The following LSM7 variants were observed in gnomAD, a reference collection of about 807,000 sequenced individuals.
LSM7 encodes the protein U6 snRNA-associated Sm-like protein LSm7.
LSM7 carries 13 observed loss-of-function variants against 14.1 expected under a neutral mutation model. The ratio of observed to expected loss-of-function variants is 0.92; its 90% CI spans 0.60 to 1.47. The LOEUF (loss-of-function observed/expected upper bound fraction) is 1.47, where lower values mean the gene tolerates loss of function less well. Among genes scored for constraint, LSM7 ranks in the 40% most tolerant of loss-of-function variants. The pLI is 0.00. For synonymous variants in LSM7, 70 were observed against 57.1 expected, an observed-to-expected ratio of 1.23 and a Z score of -1.02; for missense variants, 108 against 140.8, an observed-to-expected ratio of 0.77 and a Z score of 1.18.
chr19:2,322,605 G>A lies in LSM7; in HGVS notation c.170-783C>T, dbSNP rs372044597. 1.1e-4 allele frequency among the ~76,000 whole-genome samples: 16 copies of A among 152,274 alleles called. No individual in the cohort carries two copies. In the East Asian group the frequency reaches 2.5e-3, roughly 24 times the overall value. On this transcript the variant is annotated intron_variant, in intron 3 of 3. Coordinates refer to ENST00000252622, the MANE Select transcript of LSM7 (RefSeq NM_016199.3). ...GGACCATGTGGGCTGGCACCCCAGG[G>A]AAGTGCCAGCAAGCCCAAGACAAGC...
chr19:2,328,346 A>C (rs1599183292), intron 2 of LSM7, 41 bp downstream of exon 2: 1 of 1,568,624 alleles, frequency 6.4e-7, no homozygotes, highest in Non-Finnish European at 8.8e-7. Flanking sequence ...GTTTATTTGA[A>C]ATTTTTAAAG....
In LSM7 at chr19:2,328,484, G is replaced by T. The variant is rs1346831814; in HGVS notation, c.7-7C>A. On this transcript the variant is annotated splice_polypyrimidine_tract_variant and splice_region_variant and intron_variant, in intron 1 of 3. Transcript: ENST00000252622. ...TTTTCTTCTTCTCCTTATCCTGCGGGGAAAGCAGAGCGCATGAGACCTGGA... is the reference window on the plus strand; with the variant it reads ...TTTTCTTCTTCTCCTTATCCTGCGGTGAAAGCAGAGCGCATGAGACCTGGA... 1.2e-6 allele frequency: 2 copies of T among 1,613,496 alleles called. No homozygotes were observed. The highest frequency in any genetic ancestry group is 2.7e-5 in the African/African-American group (2 of 74,922).
chr19:2,328,347 A>C (rs771285562), intron 2 of LSM7, 40 bp downstream of exon 2: 37 of 1,572,698 alleles, frequency 2.4e-5, no homozygotes, highest in Non-Finnish European at 3.0e-5. Flanking sequence ...TTTATTTGAA[A>C]TTTTTAAAGA....
intron 3 of LSM7, among the ~76,000 whole-genome samples, chr19:2,323,709 C>T (rs1307571283): frequency 2.6e-5 from 4 of 152,206 alleles, no homozygotes; most frequent in African/African-American, 9.7e-5. Context: ...GCCTTGGCCT[C>T]CCAAAGCGCT....
At chr19:2,327,694 G>A (rs558859488) in intron 2 of LSM7, among the ~76,000 whole-genome samples, 4 of 152,254 alleles carry the variant, frequency 2.6e-5, no homozygotes, top group African/African-American at 9.6e-5. Context: ...GAGCCGCCCC[G>A]TCCGGCTGGG....
At chr19:2,326,568 T>G (rs1968022560) in intron 2 of LSM7, among the ~76,000 whole-genome samples, 1 of 152,106 alleles carries the variant, frequency 6.6e-6, no homozygotes, top group African/African-American at 2.4e-5. Flanking sequence ...ACTCCTGAAC[T>G]CAAGTGATCT....
chr19:2,325,492 G>GCCAATCTCAGGAAGCAGGCACCA (rs1968000650), intron 2 of LSM7, among the ~76,000 whole-genome samples: 3 of 152,084 alleles, frequency 2.0e-5, no homozygotes, highest in Non-Finnish European at 2.9e-5. Flanking sequence ...GCACGCCCAC[G>GCCAATCTCAGGAAGCAGGCACCA]CCAATCTCAG....
At chr19:2,328,104 C>A in intron 2 of LSM7, 1 of 340,428 alleles carries the variant, frequency 2.9e-6, no homozygotes, top group Non-Finnish European at 5.5e-6. Context: ...AACATGGCCT[C>A]TCTACTAAAA....
intron 2 of LSM7, among the ~76,000 whole-genome samples, chr19:2,325,418 C>T (rs559131880): frequency 1.8e-5 from 2 of 108,146 alleles, no homozygotes; most frequent in African/African-American, 5.4e-5. Flanking sequence ...CTCCTTCTTA[C>T]CCCTGTCATC....
intron 3 of LSM7, among the ~76,000 whole-genome samples, chr19:2,323,473 C>T (rs887204560): frequency 1.3e-5 from 2 of 152,084 alleles, no homozygotes; most frequent in Non-Finnish European, 2.9e-5. Flanking sequence ...TTTTTTGAGA[C>T]GGAGTCTCAC....
chr19:2,323,633 G>T (rs571669282), intron 3 of LSM7, among the ~76,000 whole-genome samples: 1 of 152,226 alleles, frequency 6.6e-6, no homozygotes, highest in Non-Finnish European at 1.5e-5. Context: ...TGCATTTTTA[G>T]CGGAGACGGG....
In LSM7 at chr19:2,321,665, G is replaced by C; in HGVS notation, c.*15C>G. On this transcript the variant is annotated 3_prime_UTR_variant, in exon 4 of 4. Transcript: ENST00000252622. The surrounding 1 kb of genome is among the most constrained non-coding windows in gnomAD (Gnocchi z 5.0). Reference sequence around the variant, plus strand: ...TGCTCGGGCCTGCCCTGCACCCCCCGCGCCCCCGGCCAGGCTAGGCGTCCT... The same window carrying C: ...TGCTCGGGCCTGCCCTGCACCCCCCCCGCCCCCGGCCAGGCTAGGCGTCCT... 1 of 1,487,910 alleles carries C rather than the reference G, an allele frequency of 6.7e-7. No individual in the cohort carries two copies. The highest frequency in any genetic ancestry group is 8.9e-7 in the Non-Finnish European group (1 of 1,117,476). 92.2% of individuals were successfully genotyped at this position (1,487,910 alleles called of 1,614,324 possible). A position where few individuals can be genotyped will look rare whatever the true frequency, so the allele number is the denominator to read the frequency against.
intron 3 of LSM7, among the ~76,000 whole-genome samples, chr19:2,323,874 T>C (rs1392413202): frequency 1.3e-5 from 2 of 152,156 alleles, no homozygotes; most frequent in Admixed American, 6.5e-5. Flanking sequence ...CTCCCGTCTC[T>C]CCAGGCCCCA....
chr19:2,321,753 G>A lies in LSM7; in HGVS notation c.239C>T (p.Ser80Phe). ...GTCCTGCGGGCAGATTAGCACCACG[G>A]ACGTGCCCCGGCACACCACGAGGCC... ...QLGLVVCRGT[S>F]VVLICPQDGM... is the part of the protein sequence containing the mutation. Residue 80 changes from serine to phenylalanine, a missense_variant, in exon 4 of 4, where the codon TCC (serine) becomes TTC (phenylalanine). Physicochemically the swap from Ser to Phe is radical, Grantham distance 155. Coordinates refer to ENST00000252622, the MANE Select transcript of LSM7 (RefSeq NM_016199.3). This position sits in a 1 kb window ranked among gnomAD's most constrained non-coding sequence, Gnocchi z 5.0. 1 of 1,563,736 alleles carries A rather than the reference G, an allele frequency of 6.4e-7. No individual in the cohort carries two copies. Among genetic ancestry groups the A allele is most frequent in the Non-Finnish European group, 8.7e-7 (1 of 1,155,398 alleles).
intron 3 of LSM7, among the ~76,000 whole-genome samples, chr19:2,322,690 C>T (rs754770118): frequency 2.0e-5 from 3 of 152,108 alleles, no homozygotes; most frequent in Non-Finnish European, 2.9e-5. Flanking sequence ...GTGGTGGGGG[C>T]ATGGGAGAAC....
chr19:2,328,296 G>T (rs1193251217), intron 2 of LSM7, 91 bp downstream of exon 2: 13 of 1,065,106 alleles, frequency 1.2e-5, no homozygotes, highest in Non-Finnish European at 1.7e-5. Context: ...ATAAATAAAA[G>T]AGGTGCTTCC....
At chr19:2,325,783 G>A (rs893383229) in intron 2 of LSM7, among the ~76,000 whole-genome samples, 2 of 152,254 alleles carry the variant, frequency 1.3e-5, no homozygotes, top group African/African-American at 4.8e-5. Context: ...TGGCTCTCCT[G>A]CTCTGCTGGC....
chr19:2,324,012 G>A (rs1967975964), intron 3 of LSM7, 113 bp downstream of exon 3: 2 of 890,512 alleles, frequency 2.2e-6, no homozygotes, highest in African/African-American at 3.3e-5. Flanking sequence ...AGAAGAGCCA[G>A]CAGGGAGCCC....
chr19:2,323,360 G>T (rs1488647415), intron 3 of LSM7, among the ~76,000 whole-genome samples: 1 of 152,192 alleles, frequency 6.6e-6, no homozygotes, highest in Non-Finnish European at 1.5e-5. Flanking sequence ...CACAGCTCAC[G>T]CCTGGAACCC....
Sources: allele counts gnomAD v4.1 joint callset (sites outside exome capture counted in the v4.1 genomes callset), GRCh38; gene constraint gnomAD v4.1.1; non-coding constraint Gnocchi (gnomAD v3.1); transcripts MANE v1.5; gene names NCBI Gene and HGNC (gene_info 2026-07-23, HGNC 2026-07-21).